The following IQCC variants were observed in gnomAD, a reference collection of about 807,000 sequenced individuals.
IQCC encodes IQ domain-containing protein C.
In IQCC, 23 loss-of-function variants were observed where a neutral mutation model predicts 27.0. The ratio of observed to expected loss-of-function variants is 0.85; its 90% confidence interval spans 0.61 to 1.21. The LOEUF is 1.21. Ranked by LOEUF, IQCC falls within the 50% of genes most tolerant of loss-of-function variation. IQCC has a pLI of 0.00. For missense variants in IQCC, 552 were observed against 562.3 expected, an observed-to-expected ratio of 0.98 and a Z score of 0.19; for synonymous variants, 220 against 217.2, an observed-to-expected ratio of 1.01 and a Z score of -0.11.
Position 32,208,346 on chromosome 1 carries a change from C to CCCA in IQCC, c.*265_*267dup. On this transcript the variant is annotated 3_prime_UTR_variant, in exon 5 of 5. Coordinates refer to ENST00000291358, the MANE Select transcript of IQCC (RefSeq NM_018134.3). The stretch of plus-strand genomic sequence containing the variant: ...GGGTGCAGTGGCTCACACCTGTAAT[C>CCCA]CCAGCACTTTGGGAGGCCAAGGTGA... 8.0e-6 allele frequency: 3 copies of CCCA among 375,642 alleles called. No homozygotes were observed. Among genetic ancestry groups the CCCA allele is most frequent in the Non-Finnish European group, 1.4e-5 (3 of 208,504 alleles). 23.3% of individuals were successfully genotyped at this position (375,642 alleles called of 1,614,324 possible).
intron 2 of IQCC, 92 bp downstream of exon 2, chr1:32,206,389 A>G: frequency 6.3e-7 from 1 of 1,599,150 alleles, no homozygotes; most frequent in Non-Finnish European, 8.5e-7. Flanking sequence ...TGGAAGAGGC[A>G]GTAGACTCAC....
chr1:32,208,243 C>A lies in IQCC; in HGVS notation c.*161C>A. The A allele has an allele frequency of 1.4e-6, 1 of 732,178 alleles. No homozygotes were observed. Among genetic ancestry groups the A allele is most frequent in the Non-Finnish European group, 2.2e-6 (1 of 450,380 alleles). 45.4% of individuals were successfully genotyped at this position (732,178 alleles called of 1,614,324 possible). ...AAGAGAAGCTGGAGCAGAGAGCTGG[C>A]ATGAGTATAGGGAAGGAGGAAGGAC... On this transcript the variant is annotated 3_prime_UTR_variant, in exon 5 of 5. Coordinates refer to ENST00000291358, the MANE Select transcript of IQCC (RefSeq NM_018134.3).
Position 32,207,053 on chromosome 1 carries a change from A to G in IQCC, c.491A>G (p.Gln164Arg), listed in dbSNP as rs1048011451. The change falls in exon 4 of 5, where the codon CAG becomes CGG. Residue 164 changes from glutamine to arginine, a missense_variant. By Grantham distance (43) the Gln-to-Arg change is conservative. Transcript: ENST00000291358. ...AGCCAACCTCAGCTTCAAGAGCTTC[A>G]GTACCACCGCAGCCACTTGGCCATG... ...PHSQPQLQEL[Q>R]YHRSHLAMEL... 1 of 1,613,684 alleles carries G rather than the reference A, an allele frequency of 6.2e-7. No homozygotes were observed. Among genetic ancestry groups the G allele is most frequent in the Non-Finnish European group, 8.5e-7 (1 of 1,179,762 alleles).
chr1:32,207,922 G>A lies in IQCC; in HGVS notation c.1241G>A (p.Arg414Lys), dbSNP rs778213627. Residue 414 changes from arginine (R) to lysine (K), a missense_variant, in exon 5 of 5, where the codon AGA becomes AAA. Coordinates refer to ENST00000291358, the MANE Select transcript of IQCC (RefSeq NM_018134.3). ...CAGGCCCCCACTGATAGAAGCTCCA[G>A]AGATGGAACCTCCAATGAGCCTAGT... ...KGQAPTDRSS[R>K]DGTSNEPSHE... 1 of 1,614,202 alleles carries A rather than the reference G, an allele frequency of 6.2e-7. No homozygotes were observed. Among genetic ancestry groups the A allele is most frequent in the Non-Finnish European group, 8.5e-7 (1 of 1,180,016 alleles).
Position 32,208,089 on chromosome 1 carries a change from G to C in IQCC, c.*7G>C. 1 of 1,591,532 alleles carries C rather than the reference G, an allele frequency of 6.3e-7. No individual in the cohort carries two copies. The highest frequency in any genetic ancestry group is 8.6e-7 in the Non-Finnish European group (1 of 1,169,050). ...AACAGAACCACCTGGCTAGACCCTA[G>C]GAAGCCAGGAGAGGATCAGGTTCCA... is the stretch of plus-strand genomic sequence containing the variant. On this transcript the variant is annotated 3_prime_UTR_variant, in exon 5 of 5. Coordinates refer to ENST00000291358, the MANE Select transcript of IQCC (RefSeq NM_018134.3).
intron 2 of IQCC, 88 bp from the exon 3 acceptor site, chr1:32,206,421 A>C: frequency 1.2e-6 from 2 of 1,603,438 alleles, no homozygotes; most frequent in Non-Finnish European, 1.7e-6. Context: ...CCACTCCTTA[A>C]CCCTCACCAA....
At position 32,207,983 on chromosome 1, in the gene IQCC, G is replaced by A. The variant is rs138692176; in HGVS notation, c.1302G>A (p.Trp434Ter). ...EGQKKQRTIP[W>*]RSKSPEILSS... ...AGAAAAAGCAGAGGACTATACCATG[G>A]AGATCAAAGTCACCTGAGATTCTGT... The change falls in exon 5 of 5, where the codon TGG (tryptophan) becomes TGA (stop). Residue 434 changes from tryptophan to a stop codon, truncating the protein, a stop_gained. Coordinates refer to ENST00000291358, the MANE Select transcript of IQCC (RefSeq NM_018134.3). LOFTEE classifies it low-confidence loss of function (END_TRUNC). The A allele has an allele frequency of 7.3e-4, 1,184 of 1,614,158 alleles. 3 individuals are homozygous for A. Among genetic ancestry groups the A allele is most frequent in the Non-Finnish European group, 9.4e-4 (1,109 of 1,180,016 alleles).
rs1178737418 is a variant in IQCC, at chr1:32,205,865, C to A, written c.42+142C>A. 9.0e-6 allele frequency: 14 copies of A among 1,552,972 alleles called. No individual in the cohort carries two copies. The highest frequency in any genetic ancestry group is 1.2e-5 in the Non-Finnish European group (14 of 1,147,906). ...TCTGGAGATACCGGCTGTCCCCAAC[C>A]GCGCTGAGGAAAGCTGGGACCCACG... On this transcript the variant is annotated intron_variant, in intron 1 of 4. Coordinates refer to ENST00000291358, the MANE Select transcript of IQCC (RefSeq NM_018134.3). This position sits in a 1 kb window ranked among gnomAD's most constrained non-coding sequence, Gnocchi z 5.6.
chr1:32,206,412 C>A lies in IQCC; in HGVS notation c.187-97C>A. 3 of 1,598,854 alleles carry A rather than the reference C, an allele frequency of 1.9e-6. No individual in the cohort carries two copies. The Admixed American group carries it at 5.1e-5, about 27-fold the overall frequency. On this transcript the variant is annotated intron_variant, in intron 2 of 4. Transcript: ENST00000291358. ...GCAGTAGACTCACCTCCTCACACCC[C>A]ACTCCTTAACCCTCACCAACTTGTC... is the stretch of plus-strand genomic sequence containing the variant.
Position 32,206,311 on chromosome 1 carries a change from A to G in IQCC, c.186+14A>G, listed in dbSNP as rs769882165. 2 of 1,612,706 alleles carry G rather than the reference A, an allele frequency of 1.2e-6. No individual in the cohort carries two copies. The highest frequency in any genetic ancestry group is 1.7e-5 in the Admixed American group (1 of 60,004). ...TTCCTCCCAGAGGTAGAACACACCTAGGAGAGAAGGGAAGGAGGGACTTGG... is the reference window on the plus strand; with the variant it reads ...TTCCTCCCAGAGGTAGAACACACCTGGGAGAGAAGGGAAGGAGGGACTTGG... On this transcript the variant is annotated intron_variant, in intron 2 of 4. Transcript: ENST00000291358.
intron 1 of IQCC, 116 bp from the exon 2 acceptor site, chr1:32,206,038 C>A: frequency 6.3e-7 from 1 of 1,598,130 alleles, no homozygotes; most frequent in Non-Finnish European, 8.6e-7. Context: ...CCTATCCTTT[C>A]CCCGCCGTCA....
rs1342247357 is a variant in IQCC at position 32,205,689 on chromosome 1, C to T, written c.8C>T (p.Pro3Leu). 1.2e-6 allele frequency: 2 copies of T among 1,604,884 alleles called. No individual in the cohort carries two copies. Among genetic ancestry groups the T allele is most frequent in the South Asian group, 1.1e-5 (1 of 90,520 alleles). ME[P>L]ELLVRKVSAL... ...GCCTGGCAGTTGGCGCCCATGGAGC[C>T]AGAGCTGCTGGTTCGGAAGGTGTCT... is the stretch of plus-strand genomic sequence containing the variant. Residue 3 changes from proline to leucine, a missense_variant, in exon 1 of 5, where the codon CCA becomes CTA. By Grantham distance (98) the Pro-to-Leu change is moderately conservative. Coordinates refer to ENST00000291358, the MANE Select transcript of IQCC (RefSeq NM_018134.3). This position sits in a 1 kb window ranked among gnomAD's most constrained non-coding sequence, Gnocchi z 5.6.
rs924208747 is a variant in IQCC, at chr1:32,208,603, CAAA to C, written c.*525_*527del. Reference sequence around the variant, plus strand: ...TGGGCTACAGAGCGAGACACGGTCTCAAAAAACAAATGTGTGGCTAAGGAGTTA... The same window carrying C: ...TGGGCTACAGAGCGAGACACGGTCTCAAACAAATGTGTGGCTAAGGAGTTA... On this transcript the variant is annotated 3_prime_UTR_variant, in exon 5 of 5. Coordinates refer to ENST00000291358, the MANE Select transcript of IQCC (RefSeq NM_018134.3). 1 of 170,794 alleles carries C rather than the reference CAAA, an allele frequency of 5.9e-6. No individual in the cohort carries two copies. The highest frequency in any genetic ancestry group is 1.3e-5 in the Non-Finnish European group (1 of 79,066). 10.6% of individuals were successfully genotyped at this position (170,794 alleles called of 1,614,324 possible).
rs1643441039 is a variant in IQCC, at chr1:32,208,229, G to A, written c.*147G>A. 2 of 802,322 alleles carry A rather than the reference G, an allele frequency of 2.5e-6. No individual in the cohort carries two copies. Among genetic ancestry groups the A allele is most frequent in the Non-Finnish European group, 1.9e-6 (1 of 513,138 alleles). 49.7% of individuals were successfully genotyped at this position (802,322 alleles called of 1,614,324 possible). On this transcript the variant is annotated 3_prime_UTR_variant, in exon 5 of 5. Coordinates refer to ENST00000291358, the MANE Select transcript of IQCC (RefSeq NM_018134.3). ...TGACTAGTGGGGCCAAGAGAAGCTGGAGCAGAGAGCTGGCATGAGTATAGG... is the reference window on the plus strand; with the variant it reads ...TGACTAGTGGGGCCAAGAGAAGCTGAAGCAGAGAGCTGGCATGAGTATAGG...
chr1:32,207,203 G>T (rs1307587126), intron 4 of IQCC, 37 bp from the exon 5 acceptor site: 13 of 1,609,606 alleles, frequency 8.1e-6, no homozygotes, highest in East Asian at 2.2e-5. Flanking sequence ...GCCCAAGCAG[G>T]CCTGCTTGGT....
In IQCC at chr1:32,205,899, G is replaced by A; in HGVS notation, c.42+176G>A. On this transcript the variant is annotated intron_variant, in intron 1 of 4. Transcript: ENST00000291358. The surrounding 1 kb of genome is among the most constrained non-coding windows in gnomAD (Gnocchi z 5.6). ...GAAAGCTGGGACCCACGGACTCCCTGCCCTGCGCGTCCCCACTCCCACCAC... is the reference window on the plus strand; with the variant it reads ...GAAAGCTGGGACCCACGGACTCCCTACCCTGCGCGTCCCCACTCCCACCAC... 6.4e-7 allele frequency: 1 copy of A among 1,551,418 alleles called. No individual in the cohort carries two copies. Among genetic ancestry groups the A allele is most frequent in the Non-Finnish European group, 8.7e-7 (1 of 1,147,186 alleles).
In IQCC at chr1:32,205,705, G is replaced by C. The variant is rs1172267277; in HGVS notation, c.24G>C (p.Arg8=). ...CCATGGAGCCAGAGCTGCTGGTTCG[G>C]AAGGTGTCTGCATTGCAGGTGCGGG... MEPELLV[R]KVSALQACVR... The change falls in exon 1 of 5, where the codon CGG becomes CGC. Residue 8 remains arginine, a synonymous_variant. Transcript: ENST00000291358. The surrounding 1 kb of genome is among the most constrained non-coding windows in gnomAD (Gnocchi z 5.6). The C allele has an allele frequency of 3.1e-6, 5 of 1,609,732 alleles. No homozygotes were observed. Among genetic ancestry groups the C allele is most frequent in the South Asian group, 1.1e-5 (1 of 90,766 alleles).
At position 32,208,262 on chromosome 1, in the gene IQCC, G is replaced by A; in HGVS notation, c.*180G>A. The A allele has an allele frequency of 1.6e-6, 1 of 636,976 alleles. No individual in the cohort carries two copies. Among genetic ancestry groups the A allele is most frequent in the Non-Finnish European group, 2.7e-6 (1 of 376,428 alleles). 39.5% of individuals were successfully genotyped at this position (636,976 alleles called of 1,614,324 possible). A position where few individuals can be genotyped will look rare whatever the true frequency, so the allele number is the denominator to read the frequency against. On this transcript the variant is annotated 3_prime_UTR_variant, in exon 5 of 5. Coordinates refer to ENST00000291358, the MANE Select transcript of IQCC (RefSeq NM_018134.3). ...AGCTGGCATGAGTATAGGGAAGGAG[G>A]AAGGACACATTTTCAATCCTCTGCC...
Position 32,207,516 on chromosome 1 carries a change from A to G in IQCC, c.835A>G (p.Ser279Gly), listed in dbSNP as rs1157533963. The G allele has an allele frequency of 6.2e-7, 1 of 1,612,010 alleles. No individual in the cohort carries two copies. The highest frequency in any genetic ancestry group is 8.5e-7 in the Non-Finnish European group (1 of 1,178,718). The change falls in exon 5 of 5, where the codon AGC (serine) becomes GGC (glycine). Residue 279 changes from serine (S) to glycine (G), a missense_variant. Ser to Gly is a moderately conservative substitution (Grantham distance 56). Coordinates refer to ENST00000291358, the MANE Select transcript of IQCC (RefSeq NM_018134.3). ...AGAKCREPCY[S>G]KSGPPSSIPS... is the part of the protein sequence containing the mutation. ...GGCTAAGTGCAGAGAACCATGCTAC[A>G]GCAAGTCTGGACCACCGTCGTCTAT...
Sources: gnomAD v4.1 joint callset for allele counts on GRCh38, gnomAD v4.1.1 for gene constraint, Gnocchi (gnomAD v3.1) non-coding constraint, MANE v1.5 for transcripts, NCBI Gene and HGNC (gene_info 2026-07-23, HGNC 2026-07-21) for gene names.